CSMD1: variants seen among roughly 807,000 people sequenced by gnomAD.
CSMD1 encodes the protein CUB and Sushi multiple domains 1.
A neutral mutation model predicts 417.5 loss-of-function variants in CSMD1; 213 were observed. That is an observed-to-expected ratio of 0.51 (90% CI 0.46 to 0.57). The LOEUF (loss-of-function observed/expected upper bound fraction) is 0.57. CSMD1 is among the 20% of genes least tolerant of loss of function. The pLI is 0.00. For missense variants in CSMD1, 6,923 were observed against 4,529.7 expected (o/e 1.53, Z -15.17); for synonymous variants, 2,862 against 1,736.8 (o/e 1.65, Z -16.11).
chr8:3,416,538 A>C (rs1813162819), intron 12 of CSMD1, among the ~76,000 whole-genome samples: 3 of 152,184 alleles, frequency 2.0e-5, no homozygotes, highest in Admixed American at 1.3e-4. Flanking sequence ...GAAAGGAATG[A>C]GACATAACTG....
At chr8:4,303,904 C>T (rs898069658) in intron 3 of CSMD1, among the ~76,000 whole-genome samples, 2 of 152,084 alleles carry the variant, frequency 1.3e-5, no homozygotes, top group African/African-American at 2.4e-5. Flanking sequence ...ATCTGCCTGC[C>T]TCAGCCTCTC....
intron 9 of CSMD1, among the ~76,000 whole-genome samples, chr8:3,576,268 A>AAAT (rs60673988): frequency 0.19 from 27,340 of 147,404 alleles, 2,828 homozygotes; most frequent in Non-Finnish European, 0.24. Context: ...ATGCATGTCA[A>AAAT]AATAATAATA....
At chr8:3,986,503 G>C (rs2554514) in intron 5 of CSMD1, among the ~76,000 whole-genome samples, 37,957 of 152,028 alleles carry the variant, frequency 0.25, 4,945 homozygotes, top group Admixed American at 0.34. Flanking sequence ...CCAAAAGCAA[G>C]ATCCTTCTCC....
chr8:4,893,392 T>C (rs939510527), intron 1 of CSMD1, among the ~76,000 whole-genome samples: 2 of 151,728 alleles, frequency 1.3e-5, no homozygotes, highest in Admixed American at 1.3e-4. Context: ...TAATACAGAA[T>C]TTTTTTTCTT....
chr8:3,682,494 A>G (rs374132270), intron 7 of CSMD1, among the ~76,000 whole-genome samples: 1 of 152,192 alleles, frequency 6.6e-6, no homozygotes, highest in African/African-American at 2.4e-5. Flanking sequence ...ACAATGAGAT[A>G]CCATCTCACA....
At chr8:4,431,556 C>G (rs901914156) in intron 2 of CSMD1, among the ~76,000 whole-genome samples, 10 of 152,062 alleles carry the variant, frequency 6.6e-5, no homozygotes, top group Non-Finnish European at 1.3e-4. Context: ...CTACACCAGC[C>G]CCGGCCCCAT....
chr8:4,294,836 C>T (rs1162336566), intron 3 of CSMD1, among the ~76,000 whole-genome samples: 1 of 151,862 alleles, frequency 6.6e-6, no homozygotes, highest in African/African-American at 2.4e-5. Context: ...TAATTAGTAA[C>T]TTTCCTAAAA....
intron 26 of CSMD1, among the ~76,000 whole-genome samples, chr8:3,248,725 G>C (rs947652131): frequency 1.8e-4 from 27 of 151,940 alleles, no homozygotes; most frequent in African/African-American, 6.5e-4. Context: ...CTGCCAAACA[G>C]CTTTGACTAA....
Position 4,299,758 on chromosome 8 carries a change from G to T in CSMD1, c.415+120195C>A, listed in dbSNP as rs191287579. ...CGATTGTCATGCCTCAGCCTCCCGA[G>T]TAGCTGAGATTACAGGTACGTGCCA... On this transcript the variant is annotated intron_variant, in intron 3 of 69. Coordinates refer to ENST00000635120, the MANE Select transcript of CSMD1 (RefSeq NM_033225.6). Among the ~76,000 whole-genome samples the T allele has an allele frequency of 2.4e-3, 366 of 152,050 alleles. 4 individuals are homozygous for T. The highest frequency in any genetic ancestry group is 8.7e-3 in the African/African-American group (359 of 41,476).
chr8:4,167,899 A>C (rs1317051585), intron 3 of CSMD1, among the ~76,000 whole-genome samples: 1 of 152,058 alleles, frequency 6.6e-6, no homozygotes, highest in Non-Finnish European at 1.5e-5. Flanking sequence ...AGGCTGAGGC[A>C]GGCGGACTGC....
At chr8:3,515,277 G>A (rs1294908597) in intron 10 of CSMD1, 1 of 152,116 alleles carries the variant, frequency 6.6e-6, no homozygotes, top group African/African-American at 2.4e-5. Flanking sequence ...GCTTTTTCTG[G>A]AGTATGTGGT....
intron 25 of CSMD1, among the ~76,000 whole-genome samples, chr8:3,302,512 C>T (rs766226811): frequency 3.3e-5 from 5 of 152,164 alleles, no homozygotes; most frequent in Non-Finnish European, 7.3e-5. Context: ...TCATTTCTTC[C>T]CTGCATGTCT....
chr8:4,230,928 C>T (rs1393980361), intron 3 of CSMD1, among the ~76,000 whole-genome samples: 1 of 149,728 alleles, frequency 6.7e-6, no homozygotes, highest in East Asian at 1.9e-4. Context: ...TTTTAATCTC[C>T]TGTTTTTTTC....
intron 23 of CSMD1, among the ~76,000 whole-genome samples, chr8:3,328,729 A>T (rs780599577): frequency 2.0e-4 from 31 of 152,250 alleles, no homozygotes; most frequent in Non-Finnish European, 3.7e-4. Context: ...ACAAGACAGT[A>T]ATAAAAAACA....
chr8:3,817,225 A>C (rs1801425541), intron 5 of CSMD1, among the ~76,000 whole-genome samples: 1 of 141,536 alleles, frequency 7.1e-6, no homozygotes, highest in Non-Finnish European at 1.5e-5. Flanking sequence ...AGGATCTCCA[A>C]ATCCAAAGTG....
At chr8:4,160,618 C>G (rs1797099367) in intron 3 of CSMD1, among the ~76,000 whole-genome samples, 1 of 152,240 alleles carries the variant, frequency 6.6e-6, no homozygotes, top group East Asian at 1.9e-4. Flanking sequence ...GATGTCCCCA[C>G]TTTCTTGCAG....
intron 18 of CSMD1, among the ~76,000 whole-genome samples, chr8:3,374,046 G>A (rs1191330471): frequency 3.3e-5 from 5 of 151,232 alleles, no homozygotes; most frequent in East Asian, 3.9e-4. Context: ...TCTGCCTCCC[G>A]GGTTCAAGCA....
chr8:4,282,319 C>G (rs892125438), intron 3 of CSMD1, among the ~76,000 whole-genome samples: 1 of 152,124 alleles, frequency 6.6e-6, no homozygotes, highest in Non-Finnish European at 1.5e-5. Context: ...GGAGCACGCC[C>G]AAGGGTCAAG....
intron 2 of CSMD1, among the ~76,000 whole-genome samples, chr8:4,545,586 C>T (rs1797591061): frequency 6.6e-6 from 1 of 152,154 alleles, no homozygotes; most frequent in African/African-American, 2.4e-5. Flanking sequence ...CACAGTGATA[C>T]TGGCAACAGA....
Sources: gnomAD v4.1 joint callset for allele counts (sites outside exome capture counted in the v4.1 genomes callset) on GRCh38, gnomAD v4.1.1 for gene constraint, MANE v1.5 for transcripts, NCBI Gene and HGNC (gene_info 2026-07-23, HGNC 2026-07-21) for gene names.